RASSF3: variants seen among roughly 807,000 people sequenced by gnomAD.
RASSF3 encodes ras association domain-containing protein 3.
In RASSF3, 19 loss-of-function variants were observed where a neutral mutation model predicts 19.9. That is an observed-to-expected ratio of 0.96 (90% CI 0.67 to 1.40). The LOEUF is 1.40. RASSF3 is among the 40% of genes most tolerant of loss of function. The probability of loss-of-function intolerance (pLI) is 0.00; values close to 1 mark genes in which losing one functional copy is unlikely to be tolerated. For missense variants in RASSF3, 306 were observed against 289.8 expected (o/e 1.06, Z -0.41); for synonymous variants, 110 against 104.2 (o/e 1.06, Z -0.34).
chr12:64,600,675 C>T (rs1330315270), intron 2 of RASSF3, among the ~76,000 whole-genome samples: 1 of 152,142 alleles, frequency 6.6e-6, no homozygotes, highest in African/African-American at 2.4e-5. Flanking sequence ...AAATTTTTAA[C>T]TGTGACCTAT....
chr12:64,530,950 T>A (rs998171295), upstream of RASSF3, among the ~76,000 whole-genome samples: 11 of 152,232 alleles, frequency 7.2e-5, no homozygotes, highest in Non-Finnish European at 1.6e-4. Context: ...TCTTTATATA[T>A]TCCTATATCA....
chr12:64,575,955 T>C (rs1204760038), intron 2 of RASSF3, among the ~76,000 whole-genome samples: 1 of 151,384 alleles, frequency 6.6e-6, no homozygotes, highest in East Asian at 1.9e-4. Flanking sequence ...AATAGCGCGA[T>C]CTCGGCTCAC....
upstream of RASSF3, among the ~76,000 whole-genome samples, chr12:64,605,618 G>A (rs1260899743): frequency 1.3e-5 from 2 of 152,050 alleles, no homozygotes; most frequent in Non-Finnish European, 2.9e-5. Flanking sequence ...GGCCGGGCGT[G>A]GTGGCTCACG....
chr12:64,555,921 T>C (rs1237044882), intron 2 of RASSF3, among the ~76,000 whole-genome samples: 1 of 151,860 alleles, frequency 6.6e-6, no homozygotes, highest in Non-Finnish European at 1.5e-5. Flanking sequence ...CCCCTTAAAA[T>C]AGATTAATGA....
intron 1 of RASSF3, among the ~76,000 whole-genome samples, chr12:64,510,826 T>C (rs1868323754): frequency 6.6e-6 from 1 of 152,126 alleles, no homozygotes; most frequent in Non-Finnish European, 1.5e-5. Flanking sequence ...ACCCAAGCTA[T>C]ATATAAAAAA....
chr12:64,526,560 T>A (rs59150896), intron 1 of RASSF3, among the ~76,000 whole-genome samples: 13,195 of 152,092 alleles, frequency 0.087, 952 homozygotes, highest in East Asian at 0.43. Flanking sequence ...TTAAATTTTT[T>A]AAAGACAGGG....
At chr12:64,556,838 T>C (rs1397977228) in intron 2 of RASSF3, among the ~76,000 whole-genome samples, 4 of 129,844 alleles carry the variant, frequency 3.1e-5, no homozygotes, top group Non-Finnish European at 6.8e-5. Flanking sequence ...CTACCCCTTT[T>C]TTTTTTTTTT....
intron 2 of RASSF3, among the ~76,000 whole-genome samples, chr12:64,573,454 C>T (rs1357067207): frequency 2.6e-5 from 4 of 152,018 alleles, no homozygotes; most frequent in Non-Finnish European, 5.9e-5. Context: ...TCATATTATC[C>T]CCATTTAACA....
chr12:64,693,777 A>G (rs1342542799), intron 4 of RASSF3, among the ~76,000 whole-genome samples: 2 of 152,236 alleles, frequency 1.3e-5, no homozygotes, highest in Non-Finnish European at 2.9e-5. Context: ...AGGAGCTGTT[A>G]GGGAAACAAG....
At chr12:64,569,064 A>G (rs1869477650) in intron 2 of RASSF3, among the ~76,000 whole-genome samples, 1 of 152,212 alleles carries the variant, frequency 6.6e-6, no homozygotes, top group Non-Finnish European at 1.5e-5. Context: ...TCAACTAGGG[A>G]GTCTCAAAGT....
intron 3 of RASSF3, among the ~76,000 whole-genome samples, chr12:64,689,035 T>C (rs1401947625): frequency 2.0e-5 from 3 of 152,168 alleles, no homozygotes; most frequent in Non-Finnish European, 4.4e-5. Context: ...AATGAGTGAA[T>C]AACATTTTGA....
chr12:64,536,149 C>T (rs1392191440), intron 1 of RASSF3, among the ~76,000 whole-genome samples: 2 of 152,000 alleles, frequency 1.3e-5, no homozygotes, highest in African/African-American at 2.4e-5. Flanking sequence ...TAGGCACCCA[C>T]CACCATGCCC....
At position 64,694,817 on chromosome 12, in the gene RASSF3, G is replaced by A. The variant is rs1868331004; in HGVS notation, c.622G>A (p.Glu208Lys). ...GAATTTCTTGCGCATCTTGGACAAG[G>A]AAGAAGATGAACAGCTGCAGAACCT... ...LQNFLRILDK[E>K]EDEQLQNLKR... The change falls in exon 5 of 5, where the codon GAA becomes AAA. Residue 208 changes from glutamate to lysine, a missense_variant. Glu to Lys is a moderately conservative substitution (Grantham distance 56, BLOSUM62 1). Transcript: ENST00000542104. 1 of 1,614,228 alleles carries A rather than the reference G, an allele frequency of 6.2e-7. No homozygotes were observed.
intron 1 of RASSF3, among the ~76,000 whole-genome samples, chr12:64,678,797 G>C (rs1422359970): frequency 6.6e-6 from 1 of 152,092 alleles, no homozygotes; most frequent in Non-Finnish European, 1.5e-5. Context: ...GGCACCAATA[G>C]GCACTCAATA....
intron 1 of RASSF3, among the ~76,000 whole-genome samples, chr12:64,663,024 A>G (rs1872423811): frequency 6.6e-6 from 1 of 152,212 alleles, no homozygotes; most frequent in African/African-American, 2.4e-5. Flanking sequence ...CTTTTGTTAT[A>G]AAACGCAGAC....
At chr12:64,590,928 A>G (rs1204808123) in intron 2 of RASSF3, among the ~76,000 whole-genome samples, 1 of 152,204 alleles carries the variant, frequency 6.6e-6, no homozygotes, top group Non-Finnish European at 1.5e-5. Context: ...ACAGCAAACT[A>G]TTATTATTGT....
chr12:64,620,959 T>C (rs1147097), intron 1 of RASSF3, among the ~76,000 whole-genome samples: 123,679 of 152,064 alleles, frequency 0.81, 50,932 homozygotes, highest in African/African-American at 0.93. Context: ...TTTTTTGAGG[T>C]GGAGTTTTAC....
rs144264707 is a variant in RASSF3, at chr12:64,658,343, G to A, written c.112-26444G>A. Reference sequence around the variant, plus strand: ...TTGGTGAGGAGCCCATCAGCATGAGGTTTTCCACTGACTACGGTTTCCCAA... The same window carrying A: ...TTGGTGAGGAGCCCATCAGCATGAGATTTTCCACTGACTACGGTTTCCCAA... On this transcript the variant is annotated intron_variant, in intron 1 of 4. Coordinates refer to ENST00000542104, the MANE Select transcript of RASSF3 (RefSeq NM_178169.4). Among the ~76,000 whole-genome samples the A allele has an allele frequency of 2.0e-5, 3 of 152,224 alleles. No homozygotes were observed. The East Asian group carries it at 5.8e-4, about 29-fold the overall frequency.
chr12:64,600,626 T>C (rs771465992), intron 2 of RASSF3, among the ~76,000 whole-genome samples: 1 of 152,196 alleles, frequency 6.6e-6, no homozygotes, highest in Non-Finnish European at 1.5e-5. Context: ...ATTCACCATA[T>C]ATGCATCATC....
Sources: allele counts gnomAD v4.1 joint callset (sites outside exome capture counted in the v4.1 genomes callset), GRCh38; gene constraint gnomAD v4.1.1; transcripts MANE v1.5; gene names NCBI Gene and HGNC (gene_info 2026-07-23, HGNC 2026-07-21).